CEP126: variants seen among roughly 807,000 people sequenced by gnomAD.
CEP126 encodes centrosomal protein of 126 kDa.
Under a neutral mutation model 107.8 loss-of-function variants are expected in CEP126, and 74 were observed. The observed-to-expected ratio is 0.69, with a 90% confidence interval of 0.57 to 0.83. The LOEUF is 0.83. Ranked by LOEUF, CEP126 falls within the 40% of genes least tolerant of loss-of-function variation. The pLI is 0.00. For missense variants in CEP126, 1,237 were observed against 1,281.9 expected, an observed-to-expected ratio of 0.96 and a Z score of 0.53; for synonymous variants, 449 against 446.0, an observed-to-expected ratio of 1.01 and a Z score of -0.08.
chr11:101,997,675 A>T lies in CEP126; in HGVS notation c.*32A>T, dbSNP rs765129676. On this transcript the variant is annotated 3_prime_UTR_variant, in exon 11 of 11. Transcript: ENST00000263468. ...CAGAATCCGTCTAAGAAGACCTTTC[A>T]TGTACTTCCCTAGGACTAGATGCAT... 2 of 1,613,764 alleles carry T rather than the reference A, an allele frequency of 1.2e-6. No homozygotes were observed. The highest frequency in any genetic ancestry group is 1.6e-4 in the Middle Eastern group (1 of 6,062).
At chr11:101,971,264 G>T (rs1402951193) in intron 6 of CEP126, among the ~76,000 whole-genome samples, 2 of 151,972 alleles carry the variant, frequency 1.3e-5, no homozygotes, top group African/African-American at 2.4e-5. Flanking sequence ...GTGAGCCACC[G>T]TGCCCAGCCT....
At position 101,958,161 on chromosome 11, in the gene CEP126, T is replaced by G. The variant is rs1940924240; in HGVS notation, c.507-7T>G. ...TGTACTAAGCACTTTTTATGTCTGGTTCACAGAGCTATAGATTCTGCCTTG... is the reference window on the plus strand; with the variant it reads ...TGTACTAAGCACTTTTTATGTCTGGGTCACAGAGCTATAGATTCTGCCTTG... On this transcript the variant is annotated splice_polypyrimidine_tract_variant and splice_region_variant and intron_variant, in intron 4 of 10. Coordinates refer to ENST00000263468, the MANE Select transcript of CEP126 (RefSeq NM_020802.4). 1.2e-6 allele frequency: 2 copies of G among 1,611,548 alleles called. No individual in the cohort carries two copies. Among genetic ancestry groups the G allele is most frequent in the African/African-American group, 2.7e-5 (2 of 74,746 alleles).
intron 1 of CEP126, among the ~76,000 whole-genome samples, chr11:101,918,246 G>A (rs538148425): frequency 7.2e-5 from 11 of 152,226 alleles, no homozygotes; most frequent in Non-Finnish European, 1.2e-4. Flanking sequence ...CCAGGAGTTC[G>A]AAACCAGCCT....
chr11:101,965,725 G>A (rs947764453), intron 6 of CEP126, among the ~76,000 whole-genome samples: 1 of 152,050 alleles, frequency 6.6e-6, no homozygotes, highest in African/African-American at 2.4e-5. Flanking sequence ...TATACTTACT[G>A]TCTCATTTAA....
At position 101,922,655 on chromosome 11, in the gene CEP126, A is replaced by G; in HGVS notation, c.143A>G (p.His48Arg). The change falls in exon 2 of 11, where the codon CAT (histidine) becomes CGT (arginine). Residue 48 changes from histidine (H) to arginine (R), a missense_variant. This residue lies in a region of CEP126 where 1,134 missense variants were observed against 1,150.5 expected (regional missense o/e 0.99). Coordinates refer to ENST00000263468, the MANE Select transcript of CEP126 (RefSeq NM_020802.4). ...RPGSYLDMKIHLEKNLEEERQ... is the reference protein window; with the variant it reads ...RPGSYLDMKIRLEKNLEEERQ... ...GCTATCATTAGAGATATGAAAATCC[A>G]TCTGGAGAAAAATTTAGAAGAAGAG... The G allele has an allele frequency of 6.2e-7, 1 of 1,606,912 alleles. No individual in the cohort carries two copies. The highest frequency in any genetic ancestry group is 8.5e-7 in the Non-Finnish European group (1 of 1,173,874).
intron 4 of CEP126, among the ~76,000 whole-genome samples, chr11:101,957,689 C>T (rs565505736): frequency 1.3e-5 from 2 of 152,252 alleles, no homozygotes; most frequent in Non-Finnish European, 2.9e-5. Flanking sequence ...CCTGCTGACC[C>T]TGACAAGCAA....
chr11:101,933,814 A>ACC (rs150633052), intron 2 of CEP126, among the ~76,000 whole-genome samples: 1,347 of 122,796 alleles, frequency 0.011, 11 homozygotes, highest in Middle Eastern at 0.02. Context: ...CACCCCCGAG[A>ACC]CCCCCCCCCC....
chr11:101,980,609 A>G (rs973791111), intron 7 of CEP126, among the ~76,000 whole-genome samples: 12 of 152,316 alleles, frequency 7.9e-5, no homozygotes, highest in African/African-American at 2.9e-4. Context: ...TTCCTGAATC[A>G]AATTTTTTCA....
intron 1 of CEP126, 32 bp from the exon 2 acceptor site, chr11:101,922,609 G>T: frequency 6.4e-7 from 1 of 1,552,396 alleles, no homozygotes; most frequent in South Asian, 1.1e-5. Flanking sequence ...TAAAGATGTA[G>T]ACCATTGTTC....
chr11:101,946,155 G>A (rs776454427), intron 3 of CEP126, among the ~76,000 whole-genome samples: 5 of 149,440 alleles, frequency 3.3e-5, no homozygotes, highest in South Asian at 4.2e-4. Flanking sequence ...TTTTTTTTTC[G>A]AGATGGAGTC....
chr11:101,930,459 G>A (rs867317901), intron 2 of CEP126, among the ~76,000 whole-genome samples: 31 of 152,108 alleles, frequency 2.0e-4, no homozygotes, highest in African/African-American at 6.5e-4. Context: ...GAGTGAAGCC[G>A]CAGACCCTCG....
intron 1 of CEP126, 48 bp from the exon 2 acceptor site, chr11:101,922,593 A>T: frequency 6.9e-7 from 1 of 1,443,892 alleles, no homozygotes; most frequent in Admixed American, 1.8e-5. Context: ...ACTGACAGTC[A>T]TCCACTAAAG....
Position 101,981,765 on chromosome 11 carries a change from C to A in CEP126, c.2959-124C>A. On this transcript the variant is annotated intron_variant, in intron 7 of 10. Transcript: ENST00000263468. ...ATTCAGCTCTAAAAAATGTAATATA[C>A]AAGTTACATGAACAATTGTAGCTAA... 1.6e-5 allele frequency: 9 copies of A among 566,452 alleles called. No homozygotes were observed. The South Asian group carries it at 2.2e-4, about 14-fold the overall frequency. 35.1% of individuals were successfully genotyped at this position (566,452 alleles called of 1,614,324 possible). A position where few individuals can be genotyped will look rare whatever the true frequency, so the allele number is the denominator to read the frequency against.
chr11:101,917,514 C>A (rs560983517), intron 1 of CEP126, among the ~76,000 whole-genome samples: 12 of 151,442 alleles, frequency 7.9e-5, no homozygotes, highest in African/African-American at 2.9e-4. Flanking sequence ...AACAACAAAA[C>A]CTTATGAAGT....
At chr11:101,937,521 G>A (rs1303622855) in intron 2 of CEP126, among the ~76,000 whole-genome samples, 2 of 152,202 alleles carry the variant, frequency 1.3e-5, no homozygotes, top group African/African-American at 4.8e-5. Context: ...GCTGATTAGA[G>A]ATGCTTAACC....
In CEP126 at chr11:101,961,850, A is replaced by G. The variant is rs1940975604; in HGVS notation, c.815A>G (p.His272Arg). ...EEIYLTLNKE[H>R]STSIQRNTIS... ...ATATATTTAACACTTAATAAGGAGCATTCCACATCCATCCAGCGGAATACC... is the reference window on the plus strand; with the variant it reads ...ATATATTTAACACTTAATAAGGAGCGTTCCACATCCATCCAGCGGAATACC... Residue 272 changes from histidine to arginine, a missense_variant, in exon 6 of 11, where the codon CAT (histidine) becomes CGT (arginine). Coordinates refer to ENST00000263468, the MANE Select transcript of CEP126 (RefSeq NM_020802.4). The G allele has an allele frequency of 6.2e-7, 1 of 1,611,454 alleles. No homozygotes were observed. The highest frequency in any genetic ancestry group is 8.5e-7 in the Non-Finnish European group (1 of 1,177,770).
In CEP126 at chr11:101,922,741, G is replaced by A; in HGVS notation, c.229G>A (p.Glu77Lys). 1 of 1,612,110 alleles carries A rather than the reference G, an allele frequency of 6.2e-7. No homozygotes were observed. Among genetic ancestry groups the A allele is most frequent in the Non-Finnish European group, 8.5e-7 (1 of 1,178,728 alleles). The change falls in exon 2 of 11, where the codon GAG becomes AAG. Residue 77 changes from glutamate to lysine, a missense_variant. Glu to Lys is a moderately conservative substitution (Grantham distance 56, BLOSUM62 1). Transcript: ENST00000263468. ...AAATCGAGCACGTAAATATTTTGTG[G>A]AGTCAAATCGGAGAAAAAAGTAAGT... ...CRNRARKYFV[E>K]SNRRKKAFEE... is the part of the protein sequence containing the mutation.
intron 10 of CEP126, 34 bp downstream of exon 10, chr11:101,992,876 T>G: frequency 6.8e-7 from 1 of 1,478,650 alleles, no homozygotes; most frequent in Non-Finnish European, 9.0e-7. Context: ...TTTTCTTGTT[T>G]TAGGAAACTT....
chr11:101,929,794 C>A (rs1013445268), intron 2 of CEP126, among the ~76,000 whole-genome samples: 3 of 152,094 alleles, frequency 2.0e-5, no homozygotes, highest in Admixed American at 6.6e-5. Flanking sequence ...CACATTGTTA[C>A]AAGGGAGGCA....
Sources: gnomAD v4.1 joint callset for allele counts (sites outside exome capture counted in the v4.1 genomes callset) on GRCh38, gnomAD v4.1.1 for gene constraint, gnomAD v4.1.1 regional missense constraint, MANE v1.5 for transcripts, NCBI Gene and HGNC (gene_info 2026-07-23, HGNC 2026-07-21) for gene names.